Variants in HNRNPA1L2 observed in about 807,000 individuals in gnomAD.
HNRNPA1L2 encodes the protein heterogeneous nuclear ribonucleoprotein A1 like 2.
A neutral mutation model predicts 18.2 loss-of-function variants in HNRNPA1L2; 10 were observed. That is an observed-to-expected ratio of 0.55 (90% CI 0.34 to 0.93). The LOEUF (loss-of-function observed/expected upper bound fraction) is 0.93, where lower values mean the gene tolerates loss of function less well. Ranked by LOEUF, HNRNPA1L2 falls within the 40% of genes least tolerant of loss-of-function variation. The pLI is 0.02. For missense variants in HNRNPA1L2, 308 were observed against 394.4 expected (o/e 0.78, Z 1.85); for synonymous variants, 124 against 138.6 (o/e 0.89, Z 0.74).
chr13:52,632,429 A>G, the HNRNPA1L2 span: 24 of 153,008 alleles, frequency 1.6e-4, no homozygotes, highest in African/African-American at 3.6e-4. Context: ...TAGGAAAAAT[A>G]TATTCAGGGG....
At chr13:52,626,190 G>T in the HNRNPA1L2 span, among the ~76,000 whole-genome samples, 31 of 151,896 alleles carry the variant, frequency 2.0e-4, no homozygotes, top group African/African-American at 7.0e-4. Context: ...GAATTTGGGA[G>T]CTTTAATTTG....
chr13:52,636,126 T>C, the HNRNPA1L2 span, among the ~76,000 whole-genome samples: 1 of 152,166 alleles, frequency 6.6e-6, no homozygotes, highest in Non-Finnish European at 1.5e-5. Context: ...CGAGCTACCG[T>C]GCCCGGCTGA....
the HNRNPA1L2 span, among the ~76,000 whole-genome samples, chr13:52,631,126 G>C: frequency 8.5e-3 from 1,287 of 152,152 alleles, 26 homozygotes; most frequent in African/African-American, 0.03. Context: ...ACTTGGGCAG[G>C]GTCTGGGGTA....
chr13:52,632,397 T>G, the HNRNPA1L2 span: 6 of 152,526 alleles, frequency 3.9e-5, no homozygotes, highest in Non-Finnish European at 7.3e-5. Context: ...ACAGTTTATA[T>G]TCATTAAAAT....
At position 52,643,635 on chromosome 13, in the gene HNRNPA1L2, A is replaced by T; in HGVS notation, c.*180A>T. 1.6e-6 allele frequency: 1 copy of T among 622,672 alleles called. No individual in the cohort carries two copies. The allele number at this position is 622,672 out of a possible 1,614,324, so 38.6% of individuals were successfully genotyped here. ...AAAAAACTCGAGGACTGTATTTGTG[A>T]CTAATTGTATAACAGGTTATTTTAG... On this transcript the variant is annotated 3_prime_UTR_variant, in exon 1 of 1. Coordinates refer to ENST00000357495, the MANE Select transcript of HNRNPA1L2 (RefSeq NM_001389320.1).
the HNRNPA1L2 span, among the ~76,000 whole-genome samples, chr13:52,624,741 C>T: frequency 6.6e-6 from 1 of 152,066 alleles, no homozygotes; most frequent in African/African-American, 2.4e-5. Flanking sequence ...TAAAAGTATT[C>T]TCGAGGGGCC....
At chr13:52,636,265 G>A in the HNRNPA1L2 span, among the ~76,000 whole-genome samples, 746 of 152,294 alleles carry the variant, frequency 4.9e-3, 3 homozygotes, top group Non-Finnish European at 8.5e-3. Context: ...GTGTGGACAT[G>A]TATTATCTCT....
At chr13:52,633,013 A>G in the HNRNPA1L2 span, among the ~76,000 whole-genome samples, 1 of 152,150 alleles carries the variant, frequency 6.6e-6, no homozygotes, top group South Asian at 2.1e-4. Flanking sequence ...CACTACAGTT[A>G]TTGACATTGC....
the HNRNPA1L2 span, chr13:52,617,655 T>C: frequency 1.1e-5 from 5 of 464,786 alleles, no homozygotes; most frequent in Non-Finnish European, 2.0e-5. Context: ...GCAATTTTGC[T>C]ACTCGCTGCT....
chr13:52,638,373 G>T (rs1328269741), upstream of HNRNPA1L2, among the ~76,000 whole-genome samples: 1 of 152,184 alleles, frequency 6.6e-6, no homozygotes, highest in Non-Finnish European at 1.5e-5. Context: ...TTACTAGCCA[G>T]TGAGGACATT....
the HNRNPA1L2 span, among the ~76,000 whole-genome samples, chr13:52,634,446 C>A: frequency 3.9e-5 from 6 of 152,154 alleles, no homozygotes; most frequent in Non-Finnish European, 8.8e-5. Flanking sequence ...AAGTAGCACA[C>A]AAATTTATGT....
At chr13:52,617,584 A>G in the HNRNPA1L2 span, 2 of 454,512 alleles carry the variant, frequency 4.4e-6, no homozygotes, top group Middle Eastern at 3.4e-4. Context: ...CGGCGTTTCT[A>G]CCTCTTCGCA....
upstream of HNRNPA1L2, among the ~76,000 whole-genome samples, chr13:52,640,222 G>A (rs1217090122): frequency 5.3e-5 from 8 of 152,154 alleles, no homozygotes; most frequent in Non-Finnish European, 7.4e-5. Flanking sequence ...GATTACAGGC[G>A]TGAGCCATTG....
chr13:52,634,645 C>T, the HNRNPA1L2 span, among the ~76,000 whole-genome samples: 6 of 151,898 alleles, frequency 4.0e-5, no homozygotes, highest in Admixed American at 1.3e-4. Context: ...TTTTATTGAC[C>T]GATTGAATGA....
At chr13:52,629,833 T>C in the HNRNPA1L2 span, among the ~76,000 whole-genome samples, 1 of 152,204 alleles carries the variant, frequency 6.6e-6, no homozygotes, top group Non-Finnish European at 1.5e-5. Context: ...CTCACGCCTG[T>C]AATCCCAGCA....
chr13:52,634,224 A>G, the HNRNPA1L2 span, among the ~76,000 whole-genome samples: 3 of 152,152 alleles, frequency 2.0e-5, no homozygotes, highest in Non-Finnish European at 4.4e-5. Context: ...CCCCTGCTCA[A>G]ATGGTATCCG....
chr13:52,628,634 A>C, the HNRNPA1L2 span, among the ~76,000 whole-genome samples: 4 of 151,654 alleles, frequency 2.6e-5, no homozygotes, highest in Non-Finnish European at 5.9e-5. Context: ...TTTTCTTGGA[A>C]TAATTTTTCA....
At chr13:52,628,319 G>A in the HNRNPA1L2 span, among the ~76,000 whole-genome samples, 1 of 152,072 alleles carries the variant, frequency 6.6e-6, no homozygotes, top group African/African-American at 2.4e-5. Flanking sequence ...GGCATGTGCC[G>A]GCAGTTCTAG....
At chr13:52,629,255 A>C in the HNRNPA1L2 span, 2 of 186,602 alleles carry the variant, frequency 1.1e-5, no homozygotes, top group African/African-American at 4.8e-5. Context: ...AAATTGCCAG[A>C]TGTGCTACAG....
Sources: gnomAD v4.1 joint callset for allele counts (sites outside exome capture counted in the v4.1 genomes callset) on GRCh38, gnomAD v4.1.1 for gene constraint, MANE v1.5 for transcripts, NCBI Gene and HGNC (gene_info 2026-07-23, HGNC 2026-07-21) for gene names.